Variants in NIN observed in about 807,000 individuals in gnomAD.
NIN encodes the protein ninein, also known as glycogen synthase kinase 3 beta-interacting protein.
In NIN, 137 loss-of-function variants were observed where a neutral mutation model predicts 257.6. The ratio of observed to expected loss-of-function variants is 0.53; its 90% CI spans 0.46 to 0.61. The LOEUF is 0.61. NIN is among the 20% of genes least tolerant of loss of function. The pLI is 0.00. For missense variants in NIN, 2,439 were observed against 2,501.2 expected (o/e 0.98, Z 0.53); for synonymous variants, 918 against 919.8 (o/e 1.00, Z 0.04).
chr14:50,724,968 C>T (rs1260805532), intron 30 of NIN, among the ~76,000 whole-genome samples: 1 of 152,138 alleles, frequency 6.6e-6, no homozygotes, highest in East Asian at 1.9e-4. Flanking sequence ...CGCTTGGCAC[C>T]TTGTAAGTGC....
chr14:50,819,724 G>C (rs2045109155), intron 3 of NIN, among the ~76,000 whole-genome samples: 2 of 152,202 alleles, frequency 1.3e-5, no homozygotes, highest in Admixed American at 1.3e-4. Flanking sequence ...CATATTTGTT[G>C]AATTAATGAA....
Position 50,757,275 on chromosome 14 carries a change from T to C in NIN, c.3755A>G (p.Tyr1252Cys), listed in dbSNP as rs771390767. 5 of 1,614,166 alleles carry C rather than the reference T, an allele frequency of 3.1e-6. No homozygotes were observed. Among genetic ancestry groups the C allele is most frequent in the Non-Finnish European group, 3.4e-6 (4 of 1,180,010 alleles). The change falls in exon 18 of 31, where the codon TAT (tyrosine) becomes TGT (cysteine). Residue 1252 changes from tyrosine to cysteine, a missense_variant. Transcript: ENST00000530997. ...PEASPKYKLL[Y>C]EDVSRENDCL... ...GTCATTTTCTCGGCTCACATCTTCA[T>C]ACAACAGCTTATATTTGGGAGAAGC...
At chr14:50,730,647 G>A (rs2040647165) in intron 28 of NIN, among the ~76,000 whole-genome samples, 1 of 152,084 alleles carries the variant, frequency 6.6e-6, no homozygotes, top group Non-Finnish European at 1.5e-5. Context: ...AATACCTCTA[G>A]TTGTAGATTC....
At chr14:50,762,407 G>A (rs2073346) in intron 15 of NIN, among the ~76,000 whole-genome samples, 83,326 of 152,020 alleles carry the variant, frequency 0.55, 23,190 homozygotes, top group Admixed American at 0.67. Context: ...CCATCACTCA[G>A]CATTACAGAA....
At chr14:50,789,240 A>G (rs2043474398) in intron 5 of NIN, among the ~76,000 whole-genome samples, 1 of 152,242 alleles carries the variant, frequency 6.6e-6, no homozygotes, top group Non-Finnish European at 1.5e-5. Flanking sequence ...AAGGGCTTCC[A>G]GCAACCAAAA....
intron 27 of NIN, among the ~76,000 whole-genome samples, 181 bp downstream of exon 27, chr14:50,737,959 T>C (rs1245127068): frequency 3.9e-5 from 6 of 152,206 alleles, no homozygotes; most frequent in Non-Finnish European, 8.8e-5. Context: ...TGTTATTTTT[T>C]CAACCATTAT....
chr14:50,744,224 G>A lies in NIN; in HGVS notation c.5187+19C>T. On this transcript the variant is annotated intron_variant, in intron 23 of 30. Transcript: ENST00000530997. ...GTGTATTGTATACGATGATGGTAAAGTCTTATTACTTCTACTACCTTATCG... is the reference window on the plus strand; with the variant it reads ...GTGTATTGTATACGATGATGGTAAAATCTTATTACTTCTACTACCTTATCG... The A allele has an allele frequency of 6.2e-7, 1 of 1,612,244 alleles. No individual in the cohort carries two copies. Among genetic ancestry groups the A allele is most frequent in the Non-Finnish European group, 8.5e-7 (1 of 1,178,846 alleles).
Position 50,738,146 on chromosome 14 carries a change from G to A in NIN, c.5769C>T (p.Asn1923=), listed in dbSNP as rs770420407. Residue 1923 remains asparagine, a synonymous_variant, in exon 27 of 31, where the codon AAC becomes AAT. Coordinates refer to ENST00000530997, the MANE Select transcript of NIN (RefSeq NM_020921.4). ...TATATTCTCAAAAACTCACCTTCCT[G>A]TTAGCAGGAGATTGTTCTTTCTGAA... ...DQFQKEQSPA[N]RKVSQMNSLE... 1.2e-6 allele frequency: 2 copies of A among 1,613,980 alleles called. No individual in the cohort carries two copies. The highest frequency in any genetic ancestry group is 3.3e-5 in the Admixed American group (2 of 59,984).
chr14:50,822,096 C>T lies in NIN; in HGVS notation c.-21-19G>A. The T allele has an allele frequency of 6.3e-7, 1 of 1,576,636 alleles. No individual in the cohort carries two copies. On this transcript the variant is annotated intron_variant, in intron 2 of 30. Transcript: ENST00000530997. ...TGCTCACCTGTGTGTAAGACAGAGACAAGGACAGGTTGTGGCAGCCTCTCC... is the reference window on the plus strand; with the variant it reads ...TGCTCACCTGTGTGTAAGACAGAGATAAGGACAGGTTGTGGCAGCCTCTCC...
rs568723711 is a variant in NIN, at chr14:50,762,043, G to A, written c.1775-132C>T. 13 of 916,352 alleles carry A rather than the reference G, an allele frequency of 1.4e-5. No individual in the cohort carries two copies. In the African/African-American group the frequency reaches 2.0e-4, roughly 14 times the overall value. 56.8% of individuals were successfully genotyped at this position (916,352 alleles called of 1,614,324 possible). A position where few individuals can be genotyped will look rare whatever the true frequency, so the allele number is the denominator to read the frequency against. On this transcript the variant is annotated intron_variant, in intron 15 of 30. Coordinates refer to ENST00000530997, the MANE Select transcript of NIN (RefSeq NM_020921.4). ...AATTACCAGAGATGTGAACTAATAGGAAATAACAGAGGCCAAGAGAAGTCT... is the reference window on the plus strand; with the variant it reads ...AATTACCAGAGATGTGAACTAATAGAAAATAACAGAGGCCAAGAGAAGTCT...
rs2041945831 is a variant in NIN, at chr14:50,754,687, A to G, written c.4664+55T>C. The G allele has an allele frequency of 1.9e-6, 3 of 1,583,984 alleles. No individual in the cohort carries two copies. In the Admixed American group the frequency reaches 5.5e-5, roughly 29 times the overall value. ...TGGTTAGGCTTTAAAAGCTGAAGTAAAAGAATTTTAGTCTTTGCAAAAATG... is the reference window on the plus strand; with the variant it reads ...TGGTTAGGCTTTAAAAGCTGAAGTAGAAGAATTTTAGTCTTTGCAAAAATG... On this transcript the variant is annotated intron_variant, in intron 19 of 30. Transcript: ENST00000530997.
rs1421174694 is a variant in NIN, at chr14:50,722,572, G to A, written c.*891C>T. On this transcript the variant is annotated 3_prime_UTR_variant, in exon 31 of 31. Transcript: ENST00000530997. ...TTACAGTATTGTTCCCTGAGTTCTT[G>A]AGGCAACCTCAAGTAAATTTATGAA... The A allele has an allele frequency of 4.7e-6, 1 of 211,414 alleles. No individual in the cohort carries two copies. Among genetic ancestry groups the A allele is most frequent in the African/African-American group, 2.3e-5 (1 of 44,128 alleles). 13.1% of individuals were successfully genotyped at this position (211,414 alleles called of 1,614,324 possible). A position where few individuals can be genotyped will look rare whatever the true frequency, so the allele number is the denominator to read the frequency against.
chr14:50,792,993 C>T (rs1159061261), intron 4 of NIN, 112 bp from the exon 5 acceptor site: 3 of 1,081,728 alleles, frequency 2.8e-6, no homozygotes, highest in African/African-American at 3.1e-5. Flanking sequence ...TAAACCACCA[C>T]TGTTTGCCAA....
At chr14:50,772,148 G>A in intron 9 of NIN, 153 bp downstream of exon 9, 1 of 658,422 alleles carries the variant, frequency 1.5e-6, no homozygotes, top group Non-Finnish European at 2.5e-6. Flanking sequence ...TGGTTAAAAG[G>A]GCTAAAAAAA....
intron 17 of NIN, 49 bp downstream of exon 17, chr14:50,759,808 C>T: frequency 6.5e-7 from 1 of 1,547,906 alleles, no homozygotes; most frequent in Non-Finnish European, 8.7e-7. Context: ...ACTTCTAATG[C>T]CCCGAGGGAT....
chr14:50,756,649 ACT>A lies in NIN; in HGVS notation c.4379_4380del (p.Lys1460IlefsTer6). 1 of 1,554,182 alleles carries A rather than the reference ACT, an allele frequency of 6.4e-7. No individual in the cohort carries two copies. The highest frequency in any genetic ancestry group is 8.7e-7 in the Non-Finnish European group (1 of 1,148,042). On this transcript the variant is annotated frameshift_variant, in exon 18 of 31. Transcript: ENST00000530997. LOFTEE classifies it high-confidence loss of function. ...TIAELELEKTKLQELTRKLKE... is the reference protein window; with the variant it reads ...TIAELELEKTXLQELTRKLKE... The stretch of plus-strand genomic sequence containing the variant: ...TTCAACTTCCTAGTCAGCTCCTGTA[ACT>A]TTGTTTTCTCCAGTTCTAACTCTGC...
chr14:50,767,723 G>A (rs377195230), intron 12 of NIN, among the ~76,000 whole-genome samples: 66 of 151,796 alleles, frequency 4.3e-4, no homozygotes, highest in Middle Eastern at 3.4e-3. Flanking sequence ...AGGCTGAGGC[G>A]GGAGAATGGT....
chr14:50,799,680 A>ATATCC (rs1454580222), intron 4 of NIN, among the ~76,000 whole-genome samples: 1 of 152,160 alleles, frequency 6.6e-6, no homozygotes, highest in African/African-American at 2.4e-5. Context: ...ACCTTCTTAT[A>ATATCC]TATCCACTAA....
chr14:50,778,701 CG>C, intron 6 of NIN, 63 bp downstream of exon 6: 2 of 1,413,914 alleles, frequency 1.4e-6, no homozygotes, highest in South Asian at 1.1e-5. Flanking sequence ...TCAGAAAGAC[CG>C]GGTGTGGAGA....
Sources: gnomAD v4.1 joint callset for allele counts (sites outside exome capture counted in the v4.1 genomes callset) on GRCh38, gnomAD v4.1.1 for gene constraint, MANE v1.5 for transcripts, NCBI Gene and HGNC (gene_info 2026-07-23, HGNC 2026-07-21) for gene names.